Variants in GLI3 observed in about 807,000 individuals in gnomAD.
The protein encoded by GLI3 is transcription activator GLI3.
GLI3 carries 20 observed loss-of-function variants against 100.8 expected under a neutral mutation model. That is an observed-to-expected ratio of 0.20 (90% CI 0.14 to 0.29). The LOEUF (loss-of-function observed/expected upper bound fraction) is 0.29, where lower values mean the gene tolerates loss of function less well. Ranked by LOEUF, GLI3 falls within the 10% of genes least tolerant of loss-of-function variation. The pLI, the probability that GLI3 is intolerant of heterozygous loss-of-function variation, is 1.00. For missense variants in GLI3, 2,040 were observed against 2,128.5 expected (o/e 0.96, Z 0.82); for synonymous variants, 938 against 860.5 (o/e 1.09, Z -1.58).
chr7:41,979,516 A>G (rs554716245), intron 10 of GLI3, among the ~76,000 whole-genome samples: 13 of 152,356 alleles, frequency 8.5e-5, no homozygotes, highest in African/African-American at 2.4e-4. Context: ...TTACCAATTC[A>G]TGGTTTTAGA....
At position 41,966,089 on chromosome 7, in the gene GLI3, T is replaced by C; in HGVS notation, c.2984A>G (p.His995Arg). ...HGYGRRHLQP[H>R]DAPGHGVRRA... ...CCTCACGCCGTGGCCCGGCGCATCG[T>C]GCGGCTGCAGGTGGCGCCGCCCGTA... Residue 995 changes from histidine (H) to arginine (R), a missense_variant, in exon 15 of 15, where the codon CAC becomes CGC. His to Arg is a conservative substitution (Grantham distance 29). Coordinates refer to ENST00000395925, the MANE Select transcript of GLI3 (RefSeq NM_000168.6). The surrounding 1 kb of genome is among the most constrained non-coding windows in gnomAD (Gnocchi z 5.8). 2 of 1,570,462 alleles carry C rather than the reference T, an allele frequency of 1.3e-6. No individual in the cohort carries two copies. Among genetic ancestry groups the C allele is most frequent in the Non-Finnish European group, 1.7e-6 (2 of 1,164,330 alleles).
At chr7:42,130,717 G>A (rs1047368646) in intron 3 of GLI3, among the ~76,000 whole-genome samples, 1 of 152,138 alleles carries the variant, frequency 6.6e-6, no homozygotes, top group African/African-American at 2.4e-5. Flanking sequence ...AATTATTAAA[G>A]ATAGAATAGA....
rs560193431 is a variant in GLI3, at chr7:42,128,352, T to C, written c.367+19874A>G. Among the ~76,000 whole-genome samples, 306 of 152,252 alleles carry C rather than the reference T, an allele frequency of 2.0e-3. 1 individual carries two copies. The highest frequency in any genetic ancestry group is 3.6e-3 in the Non-Finnish European group (248 of 68,018). ...TATGGTTGTTACTGTTTTTAATCCA[T>C]TTGGTTAAAAAAAAATAAAAAGTGA... On this transcript the variant is annotated intron_variant, in intron 3 of 14. Coordinates refer to ENST00000395925, the MANE Select transcript of GLI3 (RefSeq NM_000168.6).
intron 2 of GLI3, among the ~76,000 whole-genome samples, chr7:42,195,815 G>A (rs2128690425): frequency 6.6e-6 from 1 of 152,328 alleles, no homozygotes; most frequent in East Asian, 1.9e-4. Context: ...ATGGGTGGAT[G>A]GACAGATGAG....
At chr7:42,048,307 A>G (rs1473171685) in intron 5 of GLI3, among the ~76,000 whole-genome samples, 184 bp downstream of exon 5, 1 of 152,114 alleles carries the variant, frequency 6.6e-6, no homozygotes, top group African/African-American at 2.4e-5. Flanking sequence ...AAATGGAGAT[A>G]ATAACACCAC....
At chr7:42,043,218 T>C (rs949654990) in intron 6 of GLI3, among the ~76,000 whole-genome samples, 3 of 152,244 alleles carry the variant, frequency 2.0e-5, no homozygotes, top group Admixed American at 2.0e-4. Flanking sequence ...TGGAAATTTC[T>C]GGGCAATCTT....
intron 2 of GLI3, among the ~76,000 whole-genome samples, chr7:42,172,991 G>C (rs1787406938): frequency 1.3e-5 from 2 of 152,216 alleles, no homozygotes; most frequent in South Asian, 4.1e-4. Flanking sequence ...AAGAAGTCCA[G>C]TGCCCTTACC....
At chr7:42,078,639 ATCACTG>A (rs1214088452) in intron 3 of GLI3, among the ~76,000 whole-genome samples, 3 of 152,052 alleles carry the variant, frequency 2.0e-5, no homozygotes, top group Non-Finnish European at 2.9e-5. Context: ...TTGATCTTGT[ATCACTG>A]TCACTGTAGT....
chr7:42,036,169 A>T (rs1242820236), intron 7 of GLI3, among the ~76,000 whole-genome samples: 1 of 152,182 alleles, frequency 6.6e-6, no homozygotes. Context: ...CTTAAAATAG[A>T]CATTTGCTTT....
chr7:42,133,951 C>T (rs903850905), intron 3 of GLI3, among the ~76,000 whole-genome samples: 4 of 151,814 alleles, frequency 2.6e-5, no homozygotes, highest in African/African-American at 9.7e-5. Flanking sequence ...CGTGGTGTCG[C>T]GTGCCCATAA....
At chr7:42,203,753 G>A (rs565734449) in intron 2 of GLI3, among the ~76,000 whole-genome samples, 9 of 152,168 alleles carry the variant, frequency 5.9e-5, no homozygotes, top group African/African-American at 2.2e-4. Context: ...AATCCCAGCA[G>A]TTTGGGAGGC....
chr7:42,154,739 G>A (rs1008481151), intron 2 of GLI3, among the ~76,000 whole-genome samples: 1 of 152,216 alleles, frequency 6.6e-6, no homozygotes, highest in Non-Finnish European at 1.5e-5. Context: ...TTAAAAAGCA[G>A]AATATTTCCT....
At chr7:42,061,359 A>G (rs1007592657) in intron 4 of GLI3, among the ~76,000 whole-genome samples, 5 of 152,160 alleles carry the variant, frequency 3.3e-5, no homozygotes, top group Non-Finnish European at 7.3e-5. Context: ...CATCCTCATC[A>G]TAATTATTAT....
chr7:42,149,267 T>C (rs1424518440), intron 2 of GLI3, among the ~76,000 whole-genome samples: 2 of 152,210 alleles, frequency 1.3e-5, no homozygotes, highest in African/African-American at 4.8e-5. Context: ...GTCCATGCTC[T>C]GATGGGTCCA....
At position 42,176,155 on chromosome 7, in the gene GLI3, C is replaced by T. The variant is rs539748361; in HGVS notation, c.125-27687G>A. Among the ~76,000 whole-genome samples the T allele has an allele frequency of 2.5e-4, 38 of 152,220 alleles. 1 individual carries two copies. The highest frequency in any genetic ancestry group is 2.0e-3 in the Admixed American group (30 of 15,288). Reference sequence around the variant, plus strand: ...TGTCCTGGCCAGCTTGTCATGAAGCCCTATTTCAATTTGATTAACATTTAC... The same window carrying T: ...TGTCCTGGCCAGCTTGTCATGAAGCTCTATTTCAATTTGATTAACATTTAC... On this transcript the variant is annotated intron_variant, in intron 2 of 14. Transcript: ENST00000395925.
rs541363228 is a variant in GLI3, at chr7:41,994,260, C to G, written c.1498-15512G>C. ...GGCCCCTAGCTATTGTTCTTGTGGACAGTTTGCACAGAGATTTCTTCCCAA... is the reference window on the plus strand; with the variant it reads ...GGCCCCTAGCTATTGTTCTTGTGGAGAGTTTGCACAGAGATTTCTTCCCAA... On this transcript the variant is annotated intron_variant, in intron 10 of 14. Transcript: ENST00000395925. 2.0e-5 allele frequency among the ~76,000 whole-genome samples: 3 copies of G among 152,304 alleles called. No individual in the cohort carries two copies. The South Asian group carries it at 6.2e-4, about 32-fold the overall frequency.
intron 10 of GLI3, among the ~76,000 whole-genome samples, chr7:42,012,577 C>T (rs1426492298): frequency 6.6e-6 from 1 of 152,102 alleles, no homozygotes; most frequent in Non-Finnish European, 1.5e-5. Flanking sequence ...AGTTGTCAAT[C>T]GCCAAAAAGC....
At chr7:42,097,456 G>C (rs574985300) in intron 3 of GLI3, among the ~76,000 whole-genome samples, 192 of 152,282 alleles carry the variant, frequency 1.3e-3, no homozygotes, top group Non-Finnish European at 2.2e-3. Context: ...TAAGCACGAG[G>C]GGAGATGCTG....
At chr7:42,194,501 T>C (rs1787887852) in intron 2 of GLI3, among the ~76,000 whole-genome samples, 1 of 152,178 alleles carries the variant, frequency 6.6e-6, no homozygotes, top group Non-Finnish European at 1.5e-5. Flanking sequence ...AACTCAAGTC[T>C]CTTTTCTAAG....
Sources: allele counts gnomAD v4.1 joint callset (sites outside exome capture counted in the v4.1 genomes callset), GRCh38; gene constraint gnomAD v4.1.1; non-coding constraint Gnocchi (gnomAD v3.1); transcripts MANE v1.5; gene names NCBI Gene and HGNC (gene_info 2026-07-23, HGNC 2026-07-21).